ANK2: variants seen among roughly 807,000 people sequenced by gnomAD.
ANK2 encodes the protein ankyrin 2.
A neutral mutation model predicts 360.5 loss-of-function variants in ANK2; 83 were observed. That is an observed-to-expected ratio of 0.23 (90% confidence interval 0.19 to 0.28). ANK2 has a LOEUF of 0.28. Ranked by LOEUF, ANK2 falls within the 10% of genes least tolerant of loss-of-function variation. ANK2 has a pLI of 1.00. For missense variants in ANK2, 4,201 were observed against 4,795.7 expected, an observed-to-expected ratio of 0.88 and a Z score of 3.66; for synonymous variants, 1,740 against 1,759.5, an observed-to-expected ratio of 0.99 and a Z score of 0.28.
intron 1 of ANK2, among the ~76,000 whole-genome samples, chr4:113,092,933 G>A (rs2089253526): frequency 6.6e-6 from 1 of 152,072 alleles, no homozygotes; most frequent in Non-Finnish European, 1.5e-5. Context: ...CAAAAAATTA[G>A]AAGGAGATAA....
intron 2 of ANK2, among the ~76,000 whole-genome samples, chr4:113,020,110 T>C (rs1327059415): frequency 6.6e-6 from 1 of 152,238 alleles, no homozygotes; most frequent in Admixed American, 6.5e-5. Flanking sequence ...TAATTTTCAC[T>C]ATTTTTTAAT....
In ANK2 at chr4:113,356,734, G is replaced by A. The variant is rs142652341; in HGVS notation, c.8116G>A (p.Glu2706Lys). 4 of 1,614,070 alleles carry A rather than the reference G, an allele frequency of 2.5e-6. No homozygotes were observed. Among genetic ancestry groups the A allele is most frequent in the Non-Finnish European group, 3.4e-6 (4 of 1,179,960 alleles). ...PSSMDSNSSP[E>K]EVQFQPVVSK... Reference sequence around the variant, plus strand: ...AAGCATGGACTCCAATTCCAGTCCAGAAGAAGTACAATTCCAGCCTGTCGT... The same window carrying A: ...AAGCATGGACTCCAATTCCAGTCCAAAAGAAGTACAATTCCAGCCTGTCGT... The change falls in exon 38 of 46, where the codon GAA (glutamate) becomes AAA (lysine). Residue 2706 changes from glutamate to lysine, a missense_variant. Physicochemically the swap from Glu to Lys is moderately conservative, Grantham distance 56 (BLOSUM62 1). This residue lies in a region of ANK2 where 2,642 missense variants were observed against 2,714.5 expected (regional missense o/e 0.97). Coordinates refer to ENST00000357077, the MANE Select transcript of ANK2 (RefSeq NM_001148.6).
At chr4:113,374,313 C>T (rs1305229534) in intron 45 of ANK2, among the ~76,000 whole-genome samples, 1 of 152,038 alleles carries the variant, frequency 6.6e-6, no homozygotes, top group Admixed American at 6.6e-5. Context: ...TTCTATTTTC[C>T]ATTCATTCAC....
At chr4:113,316,795 A>C (rs901129609) in intron 24 of ANK2, among the ~76,000 whole-genome samples, 6 of 152,210 alleles carry the variant, frequency 3.9e-5, no homozygotes, top group Non-Finnish European at 7.3e-5. Flanking sequence ...TTTACCTATT[A>C]CATATGAGTG....
At chr4:113,329,496 A>G (rs1315298397) in intron 26 of ANK2, among the ~76,000 whole-genome samples, 2 of 152,180 alleles carry the variant, frequency 1.3e-5, no homozygotes, top group Admixed American at 6.5e-5. Flanking sequence ...AAAAATCATG[A>G]TACAGATGAT....
chr4:113,377,069 TA>T (rs2096971767), intron 45 of ANK2, among the ~76,000 whole-genome samples: 1 of 152,174 alleles, frequency 6.6e-6, no homozygotes, highest in Admixed American at 6.5e-5. Flanking sequence ...AAAATAGTGA[TA>T]AAAAGTATCA....
At chr4:112,758,567 A>G in the ANK2 span, among the ~76,000 whole-genome samples, 12 of 151,894 alleles carry the variant, frequency 7.9e-5, no homozygotes, top group African/African-American at 2.9e-4. Flanking sequence ...AGCAGGCGCC[A>G]CCAGGCCCGG....
chr4:112,834,274 A>G (rs28626896), intron 1 of ANK2, among the ~76,000 whole-genome samples: 16 of 152,140 alleles, frequency 1.1e-4, no homozygotes, highest in Non-Finnish European at 2.1e-4. Flanking sequence ...GGTTATATTT[A>G]AAAAATGTTC....
At chr4:112,724,411 A>G in the ANK2 span, among the ~76,000 whole-genome samples, 2 of 152,188 alleles carry the variant, frequency 1.3e-5, no homozygotes, top group Non-Finnish European at 2.9e-5. Flanking sequence ...TGACAAATAT[A>G]TTTTGGATGC....
chr4:113,369,473 T>A (rs2154065472), intron 42 of ANK2, 41 bp from the exon 43 acceptor site: 1 of 1,606,608 alleles, frequency 6.2e-7, no homozygotes, highest in Middle Eastern at 1.7e-4. Context: ...GGAGGTGAAA[T>A]GCAAATGTCC....
rs2153836374 is a variant in ANK2 at position 113,317,733 on chromosome 4, C to T, written c.2720C>T (p.Ser907Phe). 1.2e-6 allele frequency: 2 copies of T among 1,614,116 alleles called. No individual in the cohort carries two copies. Among genetic ancestry groups the T allele is most frequent in the African/African-American group, 1.3e-5 (1 of 75,044 alleles). ...DSLRSFSSDR[S>F]HTLSHASYLR... The stretch of plus-strand genomic sequence containing the variant: ...CTTCGATCCTTCAGTTCCGACAGGT[C>T]TCACACTCTGAGCCATGCCTCCTAC... Residue 907 changes from serine to phenylalanine, a missense_variant, in exon 25 of 46, where the codon TCT becomes TTT. Ser to Phe is a radical substitution (Grantham distance 155, BLOSUM62 -2). This residue lies in a region of ANK2 where 1,268 missense variants were observed against 1,650.8 expected (regional missense o/e 0.77). Transcript: ENST00000357077.
chr4:112,999,391 TA>T (rs2049793404), intron 2 of ANK2, among the ~76,000 whole-genome samples: 1 of 152,126 alleles, frequency 6.6e-6, no homozygotes, highest in Non-Finnish European at 1.5e-5. Flanking sequence ...CTTTTTACAT[TA>T]AGGAAATGAA....
chr4:113,351,966 C>G (rs2095439136), intron 37 of ANK2, among the ~76,000 whole-genome samples: 1 of 152,148 alleles, frequency 6.6e-6, no homozygotes, highest in Non-Finnish European at 1.5e-5. Context: ...AGTTTTCTTC[C>G]TTAACCTTAA....
At chr4:112,946,714 T>C (rs1277316680) in intron 2 of ANK2, among the ~76,000 whole-genome samples, 1 of 152,242 alleles carries the variant, frequency 6.6e-6, no homozygotes, top group Non-Finnish European at 1.5e-5. Flanking sequence ...ACAGGTACAA[T>C]GCCAAGTTCT....
chr4:113,254,890 C>T (rs147468878), intron 10 of ANK2, among the ~76,000 whole-genome samples: 145 of 152,200 alleles, frequency 9.5e-4, no homozygotes, highest in Non-Finnish European at 1.7e-3. Flanking sequence ...AGACAATAGT[C>T]CCATCTCTTT....
chr4:112,924,456 C>A (rs1427934817), intron 2 of ANK2, among the ~76,000 whole-genome samples: 1 of 151,924 alleles, frequency 6.6e-6, no homozygotes, highest in Admixed American at 6.6e-5. Flanking sequence ...ATAACCAGTG[C>A]ATATTCTGGC....
At chr4:112,812,816 A>G in the ANK2 span, among the ~76,000 whole-genome samples, 37 of 152,240 alleles carry the variant, frequency 2.4e-4, no homozygotes, top group African/African-American at 8.9e-4. Flanking sequence ...CTCTTCAGTA[A>G]TTTCCTTGCT....
chr4:113,019,543 T>C (rs913451307), intron 2 of ANK2, among the ~76,000 whole-genome samples: 1 of 152,236 alleles, frequency 6.6e-6, no homozygotes, highest in African/African-American at 2.4e-5. Context: ...AGTTTTTAGA[T>C]ATTTTTGAAA....
chr4:113,343,271 G>T, intron 34 of ANK2, 129 bp downstream of exon 34: 1 of 985,654 alleles, frequency 1.0e-6, no homozygotes, highest in Non-Finnish European at 1.5e-6. Context: ...TATTTGTAAC[G>T]TTTTACAGCC....
Sources: allele counts gnomAD v4.1 joint callset (sites outside exome capture counted in the v4.1 genomes callset), GRCh38; gene constraint gnomAD v4.1.1; regional missense constraint gnomAD v4.1.1; transcripts MANE v1.5; gene names NCBI Gene and HGNC (gene_info 2026-07-23, HGNC 2026-07-21).